The following ABCB9 variants were observed in gnomAD, a reference collection of about 807,000 sequenced individuals.
ABCB9 encodes ABC-type oligopeptide transporter ABCB9.
ABCB9 carries 36 observed loss-of-function variants against 62.0 expected under a neutral mutation model. The ratio of observed to expected loss-of-function variants is 0.58; its 90% CI spans 0.45 to 0.77. ABCB9 has a LOEUF of 0.77. Ranked by LOEUF, ABCB9 falls within the 30% of genes least tolerant of loss-of-function variation. The probability of loss-of-function intolerance (pLI) is 0.00; values close to 1 mark genes in which losing one functional copy is unlikely to be tolerated. For synonymous variants in ABCB9, 435 were observed against 461.4 expected, an observed-to-expected ratio of 0.94 and a Z score of 0.73; for missense variants, 943 against 1,054.7, an observed-to-expected ratio of 0.89 and a Z score of 1.47.
At chr12:122,956,746 C>T (rs1055998594) in intron 2 of ABCB9, among the ~76,000 whole-genome samples, 65 of 152,246 alleles carry the variant, frequency 4.3e-4, no homozygotes, top group African/African-American at 1.5e-3. Context: ...TCTCGAACTC[C>T]TGACCTCAGG....
chr12:122,932,167 C>T lies in ABCB9; in HGVS notation c.2040+25G>A. 1 of 1,551,354 alleles carries T rather than the reference C, an allele frequency of 6.4e-7. No homozygotes were observed. The highest frequency in any genetic ancestry group is 8.7e-7 in the Non-Finnish European group (1 of 1,147,340). On this transcript the variant is annotated intron_variant, in intron 11 of 11. Coordinates refer to ENST00000280560, the MANE Select transcript of ABCB9 (RefSeq NM_019625.4). The surrounding 1 kb of genome is among the most constrained non-coding windows in gnomAD (Gnocchi z 4.7). ...CCACCTGGAGCCGCTCCTGCCCCCGCATTGCCCACCACCCTGTGACTCACC... is the reference window on the plus strand; with the variant it reads ...CCACCTGGAGCCGCTCCTGCCCCCGTATTGCCCACCACCCTGTGACTCACC...
chr12:122,918,656 C>G (rs933267114), downstream of ABCB9, among the ~76,000 whole-genome samples: 2 of 152,078 alleles, frequency 1.3e-5, no homozygotes, highest in South Asian at 2.1e-4. Context: ...TGGGGTCTCC[C>G]TATGTTGCCC....
chr12:122,950,614 G>A (rs1440925147), intron 2 of ABCB9, 49 bp from the exon 3 acceptor site: 9 of 1,462,472 alleles, frequency 6.2e-6, no homozygotes, highest in African/African-American at 4.2e-5. Context: ...AGGGGAACCC[G>A]CACCCTTCCT....
chr12:122,946,986 C>T (rs748995901), intron 5 of ABCB9, among the ~76,000 whole-genome samples: 12 of 152,232 alleles, frequency 7.9e-5, no homozygotes, highest in Admixed American at 2.0e-4. Flanking sequence ...ACGCCCCAGC[C>T]GCAGGAAGCA....
chr12:122,950,434 G>C lies in ABCB9; in HGVS notation c.716+17C>G, dbSNP rs369214510. 126 of 1,602,504 alleles carry C rather than the reference G, an allele frequency of 7.9e-5. No individual in the cohort carries two copies. The African/African-American group carries it at 1.4e-3, about 18-fold the overall frequency. On this transcript the variant is annotated intron_variant, in intron 3 of 11. Coordinates refer to ENST00000280560, the MANE Select transcript of ABCB9 (RefSeq NM_019625.4). ...GTCGGGGTGTGCGGGGCAGGGCGTG[G>C]GGGTTGAGCCAGCTACCTGCCAATG...
At position 122,946,316 on chromosome 12, in the gene ABCB9, G is replaced by A. The variant is rs1594028396; in HGVS notation, c.1054-94C>T. The A allele has an allele frequency of 6.4e-6, 8 of 1,246,812 alleles. No homozygotes were observed. In the East Asian group the frequency reaches 1.5e-4, roughly 23 times the overall value. The allele number at this position is 1,246,812 out of a possible 1,614,324, so 77.2% of individuals were successfully genotyped here. The stretch of plus-strand genomic sequence containing the variant: ...GCCTCTCTGGGTTTTTCCACCCTTC[G>A]CTGGCACCAGCTATATGCAAGAGGT... On this transcript the variant is annotated intron_variant, in intron 5 of 11. Transcript: ENST00000280560.
At chr12:122,937,797 T>C (rs1185865224) in intron 9 of ABCB9, among the ~76,000 whole-genome samples, 1 of 152,218 alleles carries the variant, frequency 6.6e-6, no homozygotes, top group Admixed American at 6.5e-5. Context: ...TAATTTATGT[T>C]GATGATGTAA....
rs1056433861 is a variant in ABCB9, at chr12:122,930,239, C to T, written c.2041-68G>A. On this transcript the variant is annotated intron_variant, in intron 11 of 11. Coordinates refer to ENST00000280560, the MANE Select transcript of ABCB9 (RefSeq NM_019625.4). This position sits in a 1 kb window ranked among gnomAD's most constrained non-coding sequence, Gnocchi z 4.9. Reference sequence around the variant, plus strand: ...CCACCCGCAACCGTGCTTCATGCCACGGCCTATGGGCTGATGCTTAACCTC... The same window carrying T: ...CCACCCGCAACCGTGCTTCATGCCATGGCCTATGGGCTGATGCTTAACCTC... The T allele has an allele frequency of 1.8e-5, 26 of 1,429,880 alleles. No individual in the cohort carries two copies. Among genetic ancestry groups the T allele is most frequent in the African/African-American group, 2.8e-5 (2 of 71,228 alleles). 88.6% of individuals were successfully genotyped at this position (1,429,880 alleles called of 1,614,324 possible). A position where few individuals can be genotyped will look rare whatever the true frequency, so the allele number is the denominator to read the frequency against.
At chr12:122,942,514 G>A (rs1035642740) in intron 7 of ABCB9, among the ~76,000 whole-genome samples, 47 of 151,636 alleles carry the variant, frequency 3.1e-4, no homozygotes, top group African/African-American at 1.1e-3. Context: ...AGCTACTGGG[G>A]AGGATGAGGC....
chr12:122,927,268 T>C (rs2034931814), downstream of ABCB9, among the ~76,000 whole-genome samples: 1 of 152,150 alleles, frequency 6.6e-6, no homozygotes, highest in Admixed American at 6.5e-5. Flanking sequence ...GCCTCCCGGA[T>C]TCAAGCAATT....
At position 122,946,239 on chromosome 12, in the gene ABCB9, G is replaced by A. The variant is rs760748879; in HGVS notation, c.1054-17C>T. ...GGAGAGCCTCTATGGACAGGAGGGG[G>A]ACAAGAAGGAGAAGACCCCAAAACA... On this transcript the variant is annotated splice_polypyrimidine_tract_variant and intron_variant, in intron 5 of 11. Transcript: ENST00000280560. The A allele has an allele frequency of 9.9e-6, 16 of 1,613,740 alleles. No individual in the cohort carries two copies. In the South Asian group the frequency reaches 1.8e-4, roughly 18 times the overall value.
intron 1 of ABCB9, among the ~76,000 whole-genome samples, chr12:122,962,157 C>T (rs764544893): frequency 2.0e-5 from 3 of 152,174 alleles, no homozygotes; most frequent in Admixed American, 6.5e-5. Flanking sequence ...AGGCATCTCC[C>T]GGCACTGGGT....
Position 122,929,817 on chromosome 12 carries a change from C to G in ABCB9, c.*94G>C. 2.1e-6 allele frequency: 3 copies of G among 1,440,058 alleles called. No homozygotes were observed. Among genetic ancestry groups the G allele is most frequent in the Non-Finnish European group, 2.7e-6 (3 of 1,098,694 alleles). The allele number at this position is 1,440,058 out of a possible 1,614,324, so 89.2% of individuals were successfully genotyped here. A position where few individuals can be genotyped will look rare whatever the true frequency, so the allele number is the denominator to read the frequency against. ...GCAGGTCGTCTTTCAGTGCTGCAGG[C>G]CTGGGCTCGGAGGGCAGCTGGGGGC... On this transcript the variant is annotated 3_prime_UTR_variant, in exon 12 of 12. Transcript: ENST00000280560. The surrounding 1 kb of genome is among the most constrained non-coding windows in gnomAD (Gnocchi z 6.0).
chr12:122,919,885 A>ATTTATTT (rs372908279), downstream of ABCB9, among the ~76,000 whole-genome samples: 19,285 of 55,140 alleles, frequency 0.35, 2,282 homozygotes, highest in African/African-American at 0.56. Context: ...TTGTTTGTTT[A>ATTTATTT]TTTATTTATT....
chr12:122,925,372 G>C (rs763180087), downstream of ABCB9, among the ~76,000 whole-genome samples: 1 of 152,096 alleles, frequency 6.6e-6, no homozygotes, highest in Non-Finnish European at 1.5e-5. Context: ...TCAAAACGTT[G>C]AGCACAGAGT....
At chr12:122,923,862 G>A (rs1198134420) in intron 11 of ABCB9, among the ~76,000 whole-genome samples, 4 of 152,278 alleles carry the variant, frequency 2.6e-5, no homozygotes, top group South Asian at 2.1e-4. Context: ...TGCTGTTTCC[G>A]TTTTCTCAGG....
intron 2 of ABCB9, among the ~76,000 whole-genome samples, chr12:122,954,788 T>G (rs1196540860): frequency 1.3e-5 from 2 of 152,208 alleles, no homozygotes; most frequent in Admixed American, 1.3e-4. Context: ...CTGCTGCACT[T>G]GGCCTCTAAA....
intron 11 of ABCB9, among the ~76,000 whole-genome samples, chr12:122,922,580 T>C (rs1028563131): frequency 6.6e-6 from 1 of 152,178 alleles, no homozygotes; most frequent in African/African-American, 2.4e-5. Flanking sequence ...GGTTTTGCCA[T>C]GCTGGCCAAG....
chr12:122,920,944 C>A, downstream of ABCB9: 32 of 1,392,128 alleles, frequency 2.3e-5, no homozygotes, highest in Non-Finnish European at 2.9e-5. Context: ...CGCATAGACT[C>A]GTGTTTGCTG....
Sources: allele counts gnomAD v4.1 joint callset (sites outside exome capture counted in the v4.1 genomes callset), GRCh38; gene constraint gnomAD v4.1.1; non-coding constraint Gnocchi (gnomAD v3.1); transcripts MANE v1.5; gene names NCBI Gene and HGNC (gene_info 2026-07-23, HGNC 2026-07-21).